Variants in RETREG1 observed in about 807,000 individuals in gnomAD.
RETREG1 encodes the protein reticulophagy regulator 1, also known as family with sequence similarity 134 member B.
RETREG1 carries 44 observed loss-of-function variants against 54.8 expected under a neutral mutation model. That is an observed-to-expected ratio of 0.80 (90% CI 0.63 to 1.03). The LOEUF is 1.03. Ranked by LOEUF, RETREG1 falls within the 50% of genes least tolerant of loss-of-function variation. RETREG1 has a pLI of 0.00. For missense variants in RETREG1, 554 were observed against 605.1 expected (o/e 0.92, Z 0.89); for synonymous variants, 217 against 238.5 (o/e 0.91, Z 0.83).
At position 16,581,565 on chromosome 5, in the gene RETREG1, A is replaced by AC. The variant is rs1561128532; in HGVS notation, c.321-9464_321-9463insG. Among the ~76,000 whole-genome samples, 437 of 144,130 alleles carry AC rather than the reference A, an allele frequency of 3.0e-3. 2 individuals are homozygous for AC. Among genetic ancestry groups the AC allele is most frequent in the African/African-American group, 0.01 (397 of 39,178 alleles). 94.6% of individuals were successfully genotyped at this position (144,130 alleles called of 152,430 possible). On this transcript the variant is annotated intron_variant, in intron 1 of 8. Transcript: ENST00000306320. ...CACACACACACACACACACACACACAAAACACACACACAGGACCACTGGCC... is the reference window on the plus strand; with the variant it reads ...CACACACACACACACACACACACACACAAACACACACACAGGACCACTGGCC...
At chr5:16,550,922 G>A (rs1741517716) in intron 3 of RETREG1, among the ~76,000 whole-genome samples, 1 of 152,130 alleles carries the variant, frequency 6.6e-6, no homozygotes, top group Admixed American at 6.5e-5. Flanking sequence ...GGGAAGCAGT[G>A]GTTGTCAGGA....
intron 3 of RETREG1, among the ~76,000 whole-genome samples, chr5:16,497,454 C>T (rs1033060740): frequency 1.3e-5 from 2 of 152,208 alleles, no homozygotes; most frequent in South Asian, 2.1e-4. Flanking sequence ...AAAGGCTTTC[C>T]TCTGATCTTA....
At position 16,550,099 on chromosome 5, in the gene RETREG1, T is replaced by G. The variant is rs185863479; in HGVS notation, c.458+15664A>C. Among the ~76,000 whole-genome samples, 471 of 152,160 alleles carry G rather than the reference T, an allele frequency of 3.1e-3. 2 individuals carry two copies. Among genetic ancestry groups the G allele is most frequent in the Non-Finnish European group, 5.4e-3 (365 of 67,994 alleles). ...AAACAGGCACAAGTAAGAATAACCT[T>G]CAACAGAACTAATAAACAGCACGTG... is the stretch of plus-strand genomic sequence containing the variant. On this transcript the variant is annotated intron_variant, in intron 3 of 8. Transcript: ENST00000306320.
At chr5:16,540,399 G>A (rs1741207923) in intron 3 of RETREG1, among the ~76,000 whole-genome samples, 1 of 152,140 alleles carries the variant, frequency 6.6e-6, no homozygotes, top group African/African-American at 2.4e-5. Context: ...CCCACCTTCG[G>A]CAAATACAGG....
intron 4 of RETREG1, among the ~76,000 whole-genome samples, chr5:16,481,861 C>T (rs889140713): frequency 2.6e-4 from 40 of 152,004 alleles, no homozygotes; most frequent in African/African-American, 9.4e-4. Flanking sequence ...ATAAAGTCTT[C>T]ACCTGATTTT....
At chr5:16,543,300 T>C (rs544461052) in intron 3 of RETREG1, among the ~76,000 whole-genome samples, 1 of 152,346 alleles carries the variant, frequency 6.6e-6, no homozygotes, top group Non-Finnish European at 1.5e-5. Context: ...CATGCGGACC[T>C]GTTTTCATTT....
chr5:16,505,099 C>T (rs1739895744), intron 3 of RETREG1, among the ~76,000 whole-genome samples: 2 of 152,310 alleles, frequency 1.3e-5, no homozygotes, highest in South Asian at 2.1e-4. Context: ...CAATCACCTT[C>T]GTGCATCCGG....
At chr5:16,541,079 A>G (rs1741228899) in intron 3 of RETREG1, among the ~76,000 whole-genome samples, 1 of 152,056 alleles carries the variant, frequency 6.6e-6, no homozygotes, top group Non-Finnish European at 1.5e-5. Context: ...AAATAATCAC[A>G]CTTTCTGTCA....
At chr5:16,506,474 TTTG>T (rs1739959628) in intron 3 of RETREG1, among the ~76,000 whole-genome samples, 1 of 105,578 alleles carries the variant, frequency 9.5e-6, no homozygotes, top group South Asian at 2.5e-4. Flanking sequence ...TTTTTGTTTT[TTTG>T]TTTTTTTTTT....
In RETREG1 at chr5:16,585,771, A is replaced by G. The variant is rs931671062; in HGVS notation, c.321-13669T>C. Among the ~76,000 whole-genome samples the G allele has an allele frequency of 8.5e-5, 13 of 152,194 alleles. No individual in the cohort carries two copies. Among genetic ancestry groups the G allele is most frequent in the African/African-American group, 3.1e-4 (13 of 41,464 alleles). On this transcript the variant is annotated intron_variant, in intron 1 of 8. Coordinates refer to ENST00000306320, the MANE Select transcript of RETREG1 (RefSeq NM_001034850.3). This position sits in a 1 kb window ranked among gnomAD's most constrained non-coding sequence, Gnocchi z 4.5. ...ATGAGGCCTCAGAAAGCTTATGATC[A>G]TGGTGAAAGGTGAAGGGGAAGCAGG...
At chr5:16,581,552 CACACACACACACAA>C (rs1742477937) in intron 1 of RETREG1, among the ~76,000 whole-genome samples, 1 of 149,832 alleles carries the variant, frequency 6.7e-6, no homozygotes, top group Admixed American at 6.6e-5. Flanking sequence ...CACACACACA[CACACACACACACAA>C]AACACACACA....
intron 3 of RETREG1, among the ~76,000 whole-genome samples, chr5:16,542,402 A>G (rs1478724306): frequency 6.6e-6 from 1 of 152,228 alleles, no homozygotes; most frequent in African/African-American, 2.4e-5. Context: ...AGGGCTTTTG[A>G]AAAACGGAAG....
intron 1 of RETREG1, among the ~76,000 whole-genome samples, chr5:16,601,390 T>TC (rs1491434110): frequency 2.0e-5 from 3 of 147,154 alleles, no homozygotes; most frequent in Non-Finnish European, 4.4e-5. Context: ...GGAGGAATTT[T>TC]CTTTTTTTTT....
At chr5:16,533,451 T>C (rs1740972527) in intron 3 of RETREG1, among the ~76,000 whole-genome samples, 1 of 152,164 alleles carries the variant, frequency 6.6e-6, no homozygotes, top group Non-Finnish European at 1.5e-5. Flanking sequence ...AAATGCCATA[T>C]TTTAAGTAGG....
chr5:16,517,367 G>A (rs62369712), intron 3 of RETREG1, among the ~76,000 whole-genome samples: 15,515 of 152,230 alleles, frequency 0.1, 890 homozygotes, highest in African/African-American at 0.11. Flanking sequence ...AGAATTTAAG[G>A]CAGGGATGTT....
At chr5:16,576,347 C>T (rs1742317706) in intron 1 of RETREG1, among the ~76,000 whole-genome samples, 1 of 145,524 alleles carries the variant, frequency 6.9e-6, no homozygotes, top group Non-Finnish European at 1.5e-5. Flanking sequence ...GGCTGGAGGG[C>T]AGTGGCGCAA....
At chr5:16,503,523 G>C (rs1476332382) in intron 3 of RETREG1, among the ~76,000 whole-genome samples, 1 of 151,918 alleles carries the variant, frequency 6.6e-6, no homozygotes, top group Non-Finnish European at 1.5e-5. Context: ...CAAAAAATTA[G>C]CTGGGCGTGG....
At chr5:16,565,739 C>T in intron 3 of RETREG1, 24 bp downstream of exon 3, 8 of 1,613,922 alleles carry the variant, frequency 5.0e-6, no homozygotes, top group Non-Finnish European at 6.8e-6. Context: ...CCATTAAGCA[C>T]AACACGGAAA....
rs989418866 is a variant in RETREG1 at position 16,597,484 on chromosome 5, C to T, written c.320+19168G>A. On this transcript the variant is annotated intron_variant, in intron 1 of 8. Coordinates refer to ENST00000306320, the MANE Select transcript of RETREG1 (RefSeq NM_001034850.3). This position sits in a 1 kb window ranked among gnomAD's most constrained non-coding sequence, Gnocchi z 4.3. ...AAGCACATTGCCTTTCTCTGCTGGA[C>T]TCTGAGTACCCTTGGGGAGTCCAGG... is the stretch of plus-strand genomic sequence containing the variant. 6.6e-6 allele frequency among the ~76,000 whole-genome samples: 1 copy of T among 152,218 alleles called. No individual in the cohort carries two copies. Among genetic ancestry groups the T allele is most frequent in the African/African-American group, 2.4e-5 (1 of 41,466 alleles).
Sources: allele counts gnomAD v4.1 joint callset (sites outside exome capture counted in the v4.1 genomes callset), GRCh38; gene constraint gnomAD v4.1.1; non-coding constraint Gnocchi (gnomAD v3.1); transcripts MANE v1.5; gene names NCBI Gene and HGNC (gene_info 2026-07-23, HGNC 2026-07-21).